The following JUN variants were observed in gnomAD, a reference collection of about 807,000 sequenced individuals.
The protein encoded by JUN is transcription factor Jun.
In JUN, 7 loss-of-function variants were observed where a neutral mutation model predicts 19.7. The ratio of observed to expected loss-of-function variants is 0.36; its 90% CI spans 0.20 to 0.67. JUN has a LOEUF of 0.67. Among genes scored for constraint, JUN ranks in the 30% least tolerant of loss-of-function variants. The pLI is 0.64. For synonymous variants in JUN, 246 were observed against 206.9 expected, an observed-to-expected ratio of 1.19 and a Z score of -1.62; for missense variants, 373 against 451.0, an observed-to-expected ratio of 0.83 and a Z score of 1.57.
Position 58,783,896 on chromosome 1 carries a change from G to A in JUN, c.-826C>T, listed in dbSNP as rs3748814. 2.3e-3 allele frequency: 576 copies of A among 248,256 alleles called. 8 individuals are homozygous for A. The East Asian group carries it at 0.03, about 13-fold the overall frequency. The allele number at this position is 248,256 out of a possible 1,614,324, so 15.4% of individuals were successfully genotyped here. On this transcript the variant is annotated 5_prime_UTR_variant, in exon 1 of 1. Coordinates refer to ENST00000371222, the MANE Select transcript of JUN (RefSeq NM_002228.4). ...CCCGGGAGCCACAGGCGCTAGCTCTGGGCAGTTAGAGAGAAGGTGAAAAGA... is the reference window on the plus strand; with the variant it reads ...CCCGGGAGCCACAGGCGCTAGCTCTAGGCAGTTAGAGAGAAGGTGAAAAGA...
In JUN at chr1:58,783,763, C is replaced by A. The variant is rs1645597652; in HGVS notation, c.-693G>T. 1 of 247,930 alleles carries A rather than the reference C, an allele frequency of 4.0e-6. No homozygotes were observed. Among genetic ancestry groups the A allele is most frequent in the African/African-American group, 2.2e-5 (1 of 45,336 alleles). 15.4% of individuals were successfully genotyped at this position (247,930 alleles called of 1,614,324 possible). Reference sequence around the variant, plus strand: ...CCGCTCGCCGACTTCCCCCGGCGGGCGCGTGGGTACCGCTGCTTTCCGCCG... The same window carrying A: ...CCGCTCGCCGACTTCCCCCGGCGGGAGCGTGGGTACCGCTGCTTTCCGCCG... On this transcript the variant is annotated 5_prime_UTR_variant, in exon 1 of 1. Transcript: ENST00000371222.
At position 58,782,888 on chromosome 1, in the gene JUN, G is replaced by A. The variant is rs2100739973; in HGVS notation, c.183C>T (p.Leu61=). The A allele has an allele frequency of 1.2e-6, 2 of 1,614,222 alleles. No homozygotes were observed. Among genetic ancestry groups the A allele is most frequent in the South Asian group, 1.1e-5 (1 of 91,088 alleles). ...PHLRAKNSDL[L]TSPDVGLLKL... The stretch of plus-strand genomic sequence containing the variant: ...TGAGCAGCCCCACGTCGGGCGAGGT[G>A]AGGAGGTCCGAGTTCTTGGCGCGGA... The change falls in exon 1 of 1, where the codon CTC becomes CTT. Residue 61 remains leucine (L), a synonymous_variant. Transcript: ENST00000371222. This position sits in a 1 kb window ranked among gnomAD's most constrained non-coding sequence, Gnocchi z 8.7.
Position 58,781,278 on chromosome 1 carries a change from T to C in JUN, c.*797A>G, listed in dbSNP as rs1645572057. ...CTTAACTCTTTCAACTCCACCTAGA[T>C]AGCTAGTATCTACAGATGATGCAGA... On this transcript the variant is annotated 3_prime_UTR_variant, in exon 1 of 1. Transcript: ENST00000371222. The C allele has an allele frequency of 4.3e-6, 1 of 232,770 alleles. No individual in the cohort carries two copies. Among genetic ancestry groups the C allele is most frequent in the South Asian group, 1.8e-4 (1 of 5,530 alleles). 14.4% of individuals were successfully genotyped at this position (232,770 alleles called of 1,614,324 possible).
rs1645577375 is a variant in JUN, at chr1:58,781,914, T to C, written c.*161A>G. The C allele has an allele frequency of 1.4e-5, 9 of 662,322 alleles. No individual in the cohort carries two copies. Among genetic ancestry groups the C allele is most frequent in the Non-Finnish European group, 2.3e-5 (9 of 387,170 alleles). 41.0% of individuals were successfully genotyped at this position (662,322 alleles called of 1,614,324 possible). A position where few individuals can be genotyped will look rare whatever the true frequency, so the allele number is the denominator to read the frequency against. On this transcript the variant is annotated 3_prime_UTR_variant, in exon 1 of 1. Transcript: ENST00000371222. The stretch of plus-strand genomic sequence containing the variant: ...CCAAGTCCTTCCCACTCGTGCACAC[T>C]GGGGGCGCCGTCAGGACGCAACCCA...
chr1:58,783,375 G>T lies in JUN; in HGVS notation c.-305C>A. On this transcript the variant is annotated 5_prime_UTR_variant, in exon 1 of 1. Coordinates refer to ENST00000371222, the MANE Select transcript of JUN (RefSeq NM_002228.4). ...CGCTCTTCGTGCGCAGCGGTTCCTC[G>T]GAGTCCGCAGGCGAACTCACTTCCC... 2.5e-6 allele frequency: 1 copy of T among 399,684 alleles called. No individual in the cohort carries two copies. Among genetic ancestry groups the T allele is most frequent in the Non-Finnish European group, 4.8e-6 (1 of 208,904 alleles). The allele number at this position is 399,684 out of a possible 1,614,324, so 24.8% of individuals were successfully genotyped here.
At position 58,781,167 on chromosome 1, in the gene JUN, CAGGTACATT is replaced by C. The variant is rs1318935937; in HGVS notation, c.*899_*907del. 8 of 233,154 alleles carry C rather than the reference CAGGTACATT, an allele frequency of 3.4e-5. No homozygotes were observed. Among genetic ancestry groups the C allele is most frequent in the Non-Finnish European group, 6.8e-5 (8 of 117,828 alleles). The allele number at this position is 233,154 out of a possible 1,614,324, so 14.4% of individuals were successfully genotyped here. A position where few individuals can be genotyped will look rare whatever the true frequency, so the allele number is the denominator to read the frequency against. ...AACCTGACCATAGCATCAGGTACAT[CAGGTACATT>C]TATTTCTAAAGTCTAATAGAGAACA... is the stretch of plus-strand genomic sequence containing the variant. On this transcript the variant is annotated 3_prime_UTR_variant, in exon 1 of 1. Coordinates refer to ENST00000371222, the MANE Select transcript of JUN (RefSeq NM_002228.4).
rs372170606 is a variant in JUN, at chr1:58,781,854, G to C, written c.*221C>G. ...CCGCAAAGCGGGGCAGCCCGCAGGCGGCCGCTCCCTGGCTCCACGCCAAGG... is the reference window on the plus strand; with the variant it reads ...CCGCAAAGCGGGGCAGCCCGCAGGCCGCCGCTCCCTGGCTCCACGCCAAGG... On this transcript the variant is annotated 3_prime_UTR_variant, in exon 1 of 1. Coordinates refer to ENST00000371222, the MANE Select transcript of JUN (RefSeq NM_002228.4). 1.7e-4 allele frequency: 98 copies of C among 560,768 alleles called. No individual in the cohort carries two copies. The South Asian group carries it at 2.1e-3, about 12-fold the overall frequency. 34.7% of individuals were successfully genotyped at this position (560,768 alleles called of 1,614,324 possible).
rs1379427391 is a variant in JUN at position 58,782,158 on chromosome 1, C to G, written c.913G>C (p.Val305Leu). 2 of 1,614,132 alleles carry G rather than the reference C, an allele frequency of 1.2e-6. No individual in the cohort carries two copies. The highest frequency in any genetic ancestry group is 1.7e-6 in the Non-Finnish European group (2 of 1,180,054). The change falls in exon 1 of 1, where the codon GTG (valine) becomes CTG (leucine). Residue 305 changes from valine (V) to leucine (L), a missense_variant. Physicochemically the swap from Val to Leu is conservative, Grantham distance 32. Around this residue, in one of 4 missense-constraint regions of JUN, gnomAD observed 83 missense variants for 143.0 expected, o/e 0.58. Coordinates refer to ENST00000371222, the MANE Select transcript of JUN (RefSeq NM_002228.4). The surrounding 1 kb of genome is among the most constrained non-coding windows in gnomAD (Gnocchi z 8.7). ...ASTANMLREQVAQLKQKVMNH... is the reference protein window; with the variant it reads ...ASTANMLREQLAQLKQKVMNH... Reference sequence around the variant, plus strand: ...ATGACTTTCTGTTTAAGCTGTGCCACCTGTTCCCTGAGCATGTTGGCCGTG... The same window carrying G: ...ATGACTTTCTGTTTAAGCTGTGCCAGCTGTTCCCTGAGCATGTTGGCCGTG...
At position 58,782,762 on chromosome 1, in the gene JUN, C is replaced by T. The variant is rs772118623; in HGVS notation, c.309G>A (p.Val103=). Residue 103 remains valine (V), a synonymous_variant, in exon 1 of 1, where the codon GTG becomes GTA. Transcript: ENST00000371222. This position sits in a 1 kb window ranked among gnomAD's most constrained non-coding sequence, Gnocchi z 8.7. The stretch of plus-strand genomic sequence containing the variant: ...CGGCGAAGCCCTCCTGCTCATCTGT[C>T]ACGTTCTTGGGGCACAGGAACTGGG... ...TPTQFLCPKN[V]TDEQEGFAEG... The T allele has an allele frequency of 6.2e-7, 1 of 1,613,308 alleles. No homozygotes were observed. Among genetic ancestry groups the T allele is most frequent in the South Asian group, 1.1e-5 (1 of 91,060 alleles).
rs2100740046 is a variant in JUN, at chr1:58,782,923, T to C, written c.148A>G (p.Lys50Glu). Reference sequence around the variant, plus strand: ...GAGTTCTTGGCGCGGAGGTGCGGCTTCAGGCTCCCCACTGGGTCGGCCAGG... The same window carrying C: ...GAGTTCTTGGCGCGGAGGTGCGGCTCCAGGCTCCCCACTGGGTCGGCCAGG... ...LNLADPVGSL[K>E]PHLRAKNSDL... Residue 50 changes from lysine (K) to glutamate (E), a missense_variant, in exon 1 of 1, where the codon AAG becomes GAG. By Grantham distance (56) the Lys-to-Glu change is moderately conservative. Transcript: ENST00000371222. This position sits in a 1 kb window ranked among gnomAD's most constrained non-coding sequence, Gnocchi z 8.7. 1 of 1,614,180 alleles carries C rather than the reference T, an allele frequency of 6.2e-7. No homozygotes were observed. Among genetic ancestry groups the C allele is most frequent in the Non-Finnish European group, 8.5e-7 (1 of 1,180,032 alleles).
chr1:58,781,966 G>T lies in JUN; in HGVS notation c.*109C>A. On this transcript the variant is annotated 3_prime_UTR_variant, in exon 1 of 1. Transcript: ENST00000371222. ...TCCAACTTGGATACCCTTGGCTTTA[G>T]TTCTCGGACACTTCTTTTTTCTCTC... is the stretch of plus-strand genomic sequence containing the variant. 9.9e-7 allele frequency: 1 copy of T among 1,005,602 alleles called. No individual in the cohort carries two copies. The highest frequency in any genetic ancestry group is 1.5e-6 in the Non-Finnish European group (1 of 669,492). The allele number at this position is 1,005,602 out of a possible 1,614,324, so 62.3% of individuals were successfully genotyped here.
rs1645592549 is a variant in JUN at position 58,783,320 on chromosome 1, G to A, written c.-250C>T. The A allele has an allele frequency of 3.9e-6, 2 of 517,936 alleles. No homozygotes were observed. Among genetic ancestry groups the A allele is most frequent in the Non-Finnish European group, 7.0e-6 (2 of 287,162 alleles). The allele number at this position is 517,936 out of a possible 1,614,324, so 32.1% of individuals were successfully genotyped here. A position where few individuals can be genotyped will look rare whatever the true frequency, so the allele number is the denominator to read the frequency against. On this transcript the variant is annotated 5_prime_UTR_variant, in exon 1 of 1. Coordinates refer to ENST00000371222, the MANE Select transcript of JUN (RefSeq NM_002228.4). ...ACTTGTCGACTCGCGCGCGCTACCC[G>A]GCTTTGAAAAGTCGCGGTCACTCAC... is the stretch of plus-strand genomic sequence containing the variant.
In JUN at chr1:58,782,219, C is replaced by T. The variant is rs1276106214; in HGVS notation, c.852G>A (p.Val284=). Residue 284 remains valine, a synonymous_variant, in exon 1 of 1, where the codon GTG becomes GTA. Transcript: ENST00000371222. The surrounding 1 kb of genome is among the most constrained non-coding windows in gnomAD (Gnocchi z 8.7). The part of the protein sequence containing the change: ...LERIARLEEK[V]KTLKAQNSEL... The stretch of plus-strand genomic sequence containing the variant: ...CCGAGTTCTGAGCTTTCAAGGTTTT[C>T]ACTTTTTCCTCCAGCCGGGCGATTC... The T allele has an allele frequency of 2.5e-6, 4 of 1,614,110 alleles. No homozygotes were observed. Among genetic ancestry groups the T allele is most frequent in the Non-Finnish European group, 3.4e-6 (4 of 1,180,050 alleles).
Position 58,782,423 on chromosome 1 carries a change from G to C in JUN, c.648C>G (p.Pro216=), listed in dbSNP as rs748510646. The change falls in exon 1 of 1, where the codon CCC becomes CCG. Residue 216 remains proline (P), a synonymous_variant. Transcript: ENST00000371222. This position sits in a 1 kb window ranked among gnomAD's most constrained non-coding sequence, Gnocchi z 8.7. ...GGGCCTGCAGCCGCGGGTGCTGCAC[G>C]GGCATCTGCTGGGGCAGGTGGTGCG... ...QPPHHLPQQM[P]VQHPRLQALK... is the part of the protein sequence containing the mutation. The C allele has an allele frequency of 1.1e-5, 17 of 1,607,658 alleles. No homozygotes were observed. Among genetic ancestry groups the C allele is most frequent in the Admixed American group, 1.7e-5 (1 of 59,378 alleles).
Position 58,782,970 on chromosome 1 carries a change from AG to A in JUN, c.100del (p.Leu34Ter). ...CAGGTTCAGGGTCATGCTCTGTTTC[AG>A]GATCTTGGGGTTACTGTAGCCATAA... The part of the protein sequence containing the change: ...GPYGYSNPKI[L>X]KQSMTLNLAD... On this transcript the variant is annotated frameshift_variant, in exon 1 of 1. Coordinates refer to ENST00000371222, the MANE Select transcript of JUN (RefSeq NM_002228.4). LOFTEE classifies it high-confidence loss of function. This position sits in a 1 kb window ranked among gnomAD's most constrained non-coding sequence, Gnocchi z 8.7. 6.2e-7 allele frequency: 1 copy of A among 1,614,144 alleles called. No individual in the cohort carries two copies. Among genetic ancestry groups the A allele is most frequent in the African/African-American group, 1.3e-5 (1 of 75,038 alleles).
At position 58,783,241 on chromosome 1, in the gene JUN, T is replaced by C; in HGVS notation, c.-171A>G. 1 of 971,906 alleles carries C rather than the reference T, an allele frequency of 1.0e-6. No individual in the cohort carries two copies. Among genetic ancestry groups the C allele is most frequent in the Non-Finnish European group, 1.5e-6 (1 of 664,312 alleles). The allele number at this position is 971,906 out of a possible 1,614,324, so 60.2% of individuals were successfully genotyped here. A position where few individuals can be genotyped will look rare whatever the true frequency, so the allele number is the denominator to read the frequency against. On this transcript the variant is annotated 5_prime_UTR_variant, in exon 1 of 1. Coordinates refer to ENST00000371222, the MANE Select transcript of JUN (RefSeq NM_002228.4). ...GGCTGTCGTCCCCGCTGCGCCCTCC[T>C]CACCAGCTCGCTCCAGGGAGCGCAG... is the stretch of plus-strand genomic sequence containing the variant.
In JUN at chr1:58,781,946, C is replaced by T; in HGVS notation, c.*129G>A. 1.2e-6 allele frequency: 1 copy of T among 822,822 alleles called. No individual in the cohort carries two copies. The highest frequency in any genetic ancestry group is 1.9e-6 in the Non-Finnish European group (1 of 518,388). 51.0% of individuals were successfully genotyped at this position (822,822 alleles called of 1,614,324 possible). On this transcript the variant is annotated 3_prime_UTR_variant, in exon 1 of 1. Transcript: ENST00000371222. ...GCCGTCAGGACGCAACCCAGTCCAA[C>T]TTGGATACCCTTGGCTTTAGTTCTC...
In JUN at chr1:58,783,105, G is replaced by C; in HGVS notation, c.-35C>G. On this transcript the variant is annotated 5_prime_UTR_variant, in exon 1 of 1. Transcript: ENST00000371222. ...CGTCACTTCACGTGAGGTTAGTTTG[G>C]GCTGCGCGCACAAGTTTCGGGGCCG... The C allele has an allele frequency of 6.3e-7, 1 of 1,579,702 alleles. No homozygotes were observed. Among genetic ancestry groups the C allele is most frequent in the South Asian group, 1.1e-5 (1 of 87,910 alleles).
In JUN at chr1:58,781,872, C is replaced by T. The variant is rs1347966643; in HGVS notation, c.*203G>A. On this transcript the variant is annotated 3_prime_UTR_variant, in exon 1 of 1. Coordinates refer to ENST00000371222, the MANE Select transcript of JUN (RefSeq NM_002228.4). ...CGCAGGCGGCCGCTCCCTGGCTCCA[C>T]GCCAAGGGAGGGCGCGCCAAGTCCT... is the stretch of plus-strand genomic sequence containing the variant. 38 of 588,906 alleles carry T rather than the reference C, an allele frequency of 6.5e-5. 1 individual carries two copies. The East Asian group carries it at 7.7e-4, about 12-fold the overall frequency. 36.5% of individuals were successfully genotyped at this position (588,906 alleles called of 1,614,324 possible).
Sources: gnomAD v4.1 joint callset for allele counts on GRCh38, gnomAD v4.1.1 for gene constraint, gnomAD v4.1.1 regional missense constraint, Gnocchi (gnomAD v3.1) non-coding constraint, MANE v1.5 for transcripts, NCBI Gene and HGNC (gene_info 2026-07-23, HGNC 2026-07-21) for gene names.